The following TTC28 variants were observed in gnomAD, a reference collection of about 807,000 sequenced individuals.
TTC28 encodes tetratricopeptide repeat domain 28.
In TTC28, 61 loss-of-function variants were observed where a neutral mutation model predicts 198.0. That is an observed-to-expected ratio of 0.31 (90% CI 0.25 to 0.38). The LOEUF is 0.38. Among genes scored for constraint, TTC28 ranks in the 10% least tolerant of loss-of-function variants. The pLI is 1.00. For missense variants in TTC28, 2,678 were observed against 3,164.0 expected (o/e 0.85, Z 3.69); for synonymous variants, 1,171 against 1,297.8 (o/e 0.90, Z 2.10).
At chr22:28,539,062 T>C (rs2049356668) in intron 2 of TTC28, among the ~76,000 whole-genome samples, 1 of 152,210 alleles carries the variant, frequency 6.6e-6, no homozygotes, top group African/African-American at 2.4e-5. Context: ...CCAGATAGAC[T>C]GCCTGTTGAC....
intron 2 of TTC28, among the ~76,000 whole-genome samples, chr22:28,393,002 G>C (rs1472903379): frequency 6.7e-6 from 1 of 149,670 alleles, no homozygotes; most frequent in East Asian, 2.0e-4. Flanking sequence ...TCAGCCTTCT[G>C]AGTAGCTGGG....
intron 12 of TTC28, among the ~76,000 whole-genome samples, chr22:28,067,754 A>C (rs1468800194): frequency 6.6e-6 from 1 of 152,242 alleles, no homozygotes; most frequent in Non-Finnish European, 1.5e-5. Context: ...AGGCTAACTT[A>C]CTTGGAAGAA....
intron 1 of TTC28, among the ~76,000 whole-genome samples, chr22:28,678,154 A>G (rs2052032215): frequency 6.6e-6 from 1 of 152,206 alleles, no homozygotes; most frequent in Non-Finnish European, 1.5e-5. Context: ...GCATATTTTA[A>G]TTTAGAATTT....
chr22:28,514,225 T>C (rs1414821604), intron 2 of TTC28, among the ~76,000 whole-genome samples: 1 of 152,244 alleles, frequency 6.6e-6, no homozygotes, highest in Non-Finnish European at 1.5e-5. Flanking sequence ...ATGTCTTAAA[T>C]AATAGTAATG....
chr22:28,129,658 A>C (rs1943008715), intron 6 of TTC28, among the ~76,000 whole-genome samples: 1 of 152,200 alleles, frequency 6.6e-6, no homozygotes. Flanking sequence ...TGTAGACTTA[A>C]AGAGCAGTAG....
chr22:28,145,407 A>T (rs1601381293), intron 6 of TTC28, among the ~76,000 whole-genome samples: 1 of 152,264 alleles, frequency 6.6e-6, no homozygotes, highest in East Asian at 1.9e-4. Flanking sequence ...AACATTAGAT[A>T]CACCACCTAC....
chr22:28,461,450 C>G (rs1435102603), intron 2 of TTC28, among the ~76,000 whole-genome samples: 2 of 147,224 alleles, frequency 1.4e-5, no homozygotes, highest in Non-Finnish European at 3.0e-5. Context: ...TTTTTTTTTT[C>G]TTTTGAGACG....
intron 2 of TTC28, among the ~76,000 whole-genome samples, chr22:28,308,782 T>C (rs938952490): frequency 3.3e-5 from 5 of 152,122 alleles, no homozygotes; most frequent in African/African-American, 1.2e-4. Flanking sequence ...TTTTAAAAAG[T>C]GGTATAGGAG....
intron 6 of TTC28, among the ~76,000 whole-genome samples, chr22:28,142,760 T>C (rs555571853): frequency 7.3e-4 from 111 of 152,282 alleles, no homozygotes; most frequent in Non-Finnish European, 1.4e-3. Context: ...TTGTTACTGG[T>C]TTCAAAAATG....
At chr22:28,263,410 A>C (rs1028154609) in intron 5 of TTC28, among the ~76,000 whole-genome samples, 1 of 152,110 alleles carries the variant, frequency 6.6e-6, no homozygotes, top group African/African-American at 2.4e-5. Context: ...CCCAAAATAA[A>C]CATCTCATGC....
At chr22:28,094,459 G>A (rs1941910660) in intron 11 of TTC28, among the ~76,000 whole-genome samples, 1 of 152,076 alleles carries the variant, frequency 6.6e-6, no homozygotes. Context: ...ATTAGGTGTG[G>A]GGCTTGAAAC....
rs1601476419 is a variant in TTC28, at chr22:27,983,307, T to G, written c.6360A>C (p.Ser2120=). The G allele has an allele frequency of 1.3e-6, 2 of 1,551,788 alleles. No individual in the cohort carries two copies. Among genetic ancestry groups the G allele is most frequent in the Non-Finnish European group, 1.7e-6 (2 of 1,147,034 alleles). ...CTAGTTTTCCCACCTTTTGGAAGGG[T>G]GAGTTGGGGCTGGGAATCAGAGTCA... ...VKMTLIPSPN[S]PFQKVGKLAS... is the part of the protein sequence containing the mutation. The change falls in exon 23 of 23, where the codon TCA becomes TCC. Residue 2120 remains serine (S), a synonymous_variant. Coordinates refer to ENST00000397906, the MANE Select transcript of TTC28 (RefSeq NM_001145418.2).
At chr22:28,538,556 C>CTTTT (rs753754141) in intron 2 of TTC28, among the ~76,000 whole-genome samples, 82 of 109,518 alleles carry the variant, frequency 7.5e-4, no homozygotes, top group African/African-American at 1.6e-3. Context: ...GCACCTTTCT[C>CTTTT]TTTTTTTTTT....
At chr22:27,992,485 G>T in intron 19 of TTC28, 102 bp downstream of exon 19, 1 of 1,183,688 alleles carries the variant, frequency 8.4e-7, no homozygotes, top group Non-Finnish European at 1.2e-6. Context: ...AAGGCGGTGA[G>T]ACTGCATTCA....
chr22:28,504,435 T>C (rs955004789), intron 2 of TTC28, among the ~76,000 whole-genome samples: 1 of 152,154 alleles, frequency 6.6e-6, no homozygotes, highest in Non-Finnish European at 1.5e-5. Context: ...TACATACACA[T>C]ACATATGTGT....
chr22:28,288,608 C>G (rs1423260440), intron 5 of TTC28, among the ~76,000 whole-genome samples: 1 of 151,768 alleles, frequency 6.6e-6, no homozygotes, highest in Non-Finnish European at 1.5e-5. Flanking sequence ...GATATCAAGA[C>G]CATCCTGGCT....
chr22:27,990,208 G>A, intron 20 of TTC28: 1 of 670,534 alleles, frequency 1.5e-6, no homozygotes, highest in Non-Finnish European at 2.3e-6. Flanking sequence ...TGGGGCATTG[G>A]GGCAAGAGGC....
At chr22:28,376,160 A>G (rs80168192) in intron 2 of TTC28, among the ~76,000 whole-genome samples, 2,453 of 152,208 alleles carry the variant, frequency 0.016, 89 homozygotes, top group African/African-American at 0.057. Context: ...CTACCTTTCT[A>G]TCTACTATTG....
chr22:28,460,045 C>T (rs1184955377), intron 2 of TTC28: 1 of 151,834 alleles, frequency 6.6e-6, no homozygotes, highest in Non-Finnish European at 1.5e-5. Context: ...TATTTTACCA[C>T]AATATAAAAT....
Sources: allele counts gnomAD v4.1 joint callset (sites outside exome capture counted in the v4.1 genomes callset), GRCh38; gene constraint gnomAD v4.1.1; transcripts MANE v1.5; gene names NCBI Gene and HGNC (gene_info 2026-07-23, HGNC 2026-07-21).